NUDT13: variants seen among roughly 807,000 people sequenced by gnomAD.
NUDT13 encodes the protein NAD(P)H pyrophosphatase NUDT13, mitochondrial.
Under a neutral mutation model 41.7 loss-of-function variants are expected in NUDT13, and 40 were observed. The observed-to-expected ratio is 0.96, with a 90% CI of 0.75 to 1.25. NUDT13 has a LOEUF of 1.25. NUDT13 is among the 50% of genes most tolerant of loss of function. The pLI is 0.00. For synonymous variants in NUDT13, 145 were observed against 155.5 expected (o/e 0.93, Z 0.50); for missense variants, 390 against 416.1 (o/e 0.94, Z 0.55).
At chr10:73,125,563 A>G in intron 7 of NUDT13, 54 bp downstream of exon 7, 1 of 1,165,674 alleles carries the variant, frequency 8.6e-7, no homozygotes. Flanking sequence ...AATCTTACTA[A>G]TACAATCTTC....
chr10:73,127,100 G>C (rs1378461919), intron 8 of NUDT13, among the ~76,000 whole-genome samples: 2 of 151,920 alleles, frequency 1.3e-5, no homozygotes, highest in African/African-American at 4.8e-5. Flanking sequence ...AAAAATTAAG[G>C]CCGGGTGCGA....
chr10:73,118,135 A>G (rs1265213224), intron 2 of NUDT13, among the ~76,000 whole-genome samples: 1 of 152,182 alleles, frequency 6.6e-6, no homozygotes, highest in African/African-American at 2.4e-5. Context: ...TATATTTGGT[A>G]ACTTCTGAGT....
In NUDT13 at chr10:73,124,251, G is replaced by C; in HGVS notation, c.396G>C (p.Lys132Asn). The change falls in exon 5 of 9, where the codon AAG becomes AAC. Residue 132 changes from lysine (K) to asparagine (N), a missense_variant. By Grantham distance (94) the Lys-to-Asn change is moderately conservative. Transcript: ENST00000357321. ...LHKPEMETEL[K>N]GSFIELRKAL... ...AACCTGAAATGGAGACAGAGCTCAA[G>C]GGGTCTTTCATTGAGCTGAGAAAGG... The C allele has an allele frequency of 3.1e-6, 5 of 1,613,082 alleles. No homozygotes were observed. The highest frequency in any genetic ancestry group is 4.2e-6 in the Non-Finnish European group (5 of 1,179,652).
At chr10:73,130,598 C>T in intron 8 of NUDT13, 105 bp from the exon 9 acceptor site, 1 of 947,834 alleles carries the variant, frequency 1.1e-6, no homozygotes, top group Non-Finnish European at 1.7e-6. Context: ...CAGGTATTAT[C>T]TTCTAAGATT....
intron 8 of NUDT13, among the ~76,000 whole-genome samples, chr10:73,129,449 T>C (rs944129719): frequency 1.5e-4 from 23 of 151,830 alleles, no homozygotes; most frequent in Admixed American, 5.9e-4. Context: ...GTTGGGATTA[T>C]GGGCATGAGC....
At chr10:73,114,939 A>G (rs1456324622) in intron 2 of NUDT13, 3 of 152,190 alleles carry the variant, frequency 2.0e-5, no homozygotes, top group South Asian at 4.1e-4. Context: ...ATTTTGTCCA[A>G]TCAGATTTCT....
chr10:73,114,358 A>G lies in NUDT13; in HGVS notation c.-8A>G. ...AAACTCCTTTTTTTTTTTTTTAAGG[A>G]CCTGACAATGTCCCTGTATTGTGGA... On this transcript the variant is annotated splice_region_variant and 5_prime_UTR_variant, in exon 2 of 9. Transcript: ENST00000357321. 1 of 1,466,556 alleles carries G rather than the reference A, an allele frequency of 6.8e-7. No homozygotes were observed. The highest frequency in any genetic ancestry group is 9.3e-7 in the Non-Finnish European group (1 of 1,080,106). The allele number at this position is 1,466,556 out of a possible 1,614,324, so 90.8% of individuals were successfully genotyped here.
rs112660302 is a variant in NUDT13 at position 73,111,492 on chromosome 10, T to C, written c.-10+925T>C. Among the ~76,000 whole-genome samples the C allele has an allele frequency of 7.9e-5, 12 of 152,354 alleles. 1 individual carries two copies. Among genetic ancestry groups the C allele is most frequent in the African/African-American group, 2.9e-4 (12 of 41,582 alleles). ...TGTCACGCTGTAGTACTTTATAATC[T>C]TTCTTCTGGAAAGATGAACAGGATA... On this transcript the variant is annotated intron_variant, in intron 1 of 8. Transcript: ENST00000357321.
chr10:73,110,757 C>A (rs1020496325), intron 1 of NUDT13, among the ~76,000 whole-genome samples, 190 bp downstream of exon 1: 1 of 152,126 alleles, frequency 6.6e-6, no homozygotes. Flanking sequence ...ACATCAGTAA[C>A]CACAGCTCAT....
chr10:73,120,088 T>C lies in NUDT13; in HGVS notation c.154T>C (p.Phe52Leu). ...CCAGCAAACAGGAGCGTTTTACCTCTTTCATAGTCTGGCTCCTCTGCTTCA... is the reference window on the plus strand; with the variant it reads ...CCAGCAAACAGGAGCGTTTTACCTCCTTCATAGTCTGGCTCCTCTGCTTCA... ...KAQQTGAFYLFHSLAPLLQTS... is the reference protein window; with the variant it reads ...KAQQTGAFYLLHSLAPLLQTS... Residue 52 changes from phenylalanine (F) to leucine (L), a missense_variant, in exon 3 of 9, where the codon TTT becomes CTT. Coordinates refer to ENST00000357321, the MANE Select transcript of NUDT13 (RefSeq NM_015901.6). 6.2e-7 allele frequency: 1 copy of C among 1,614,214 alleles called. No homozygotes were observed. Among genetic ancestry groups the C allele is most frequent in the Non-Finnish European group, 8.5e-7 (1 of 1,180,032 alleles).
intron 1 of NUDT13, among the ~76,000 whole-genome samples, chr10:73,111,366 C>CTTGTT (rs1419208634): frequency 6.6e-6 from 1 of 150,850 alleles, no homozygotes; most frequent in African/African-American, 2.4e-5. Flanking sequence ...TTTGTTTTGT[C>CTTGTT]TTGTTTTGTT....
intron 4 of NUDT13, among the ~76,000 whole-genome samples, chr10:73,122,995 G>C (rs905317462): frequency 4.0e-5 from 6 of 151,248 alleles, no homozygotes; most frequent in African/African-American, 7.3e-5. Context: ...TCGCCTCCCA[G>C]GTTCAAGCGA....
At chr10:73,114,154 A>C (rs1435829758) in intron 1 of NUDT13, among the ~76,000 whole-genome samples, 1 of 152,174 alleles carries the variant, frequency 6.6e-6, no homozygotes, top group Non-Finnish European at 1.5e-5. Context: ...TCATGAAAGA[A>C]GTACTGAAAT....
intron 5 of NUDT13, 59 bp from the exon 6 acceptor site, chr10:73,125,059 G>C: frequency 6.5e-7 from 1 of 1,545,486 alleles, no homozygotes; most frequent in Non-Finnish European, 8.7e-7. Context: ...GCCCAGTGCT[G>C]TTAAAGATGA....
chr10:73,128,708 T>C (rs992411122), intron 8 of NUDT13, among the ~76,000 whole-genome samples: 2 of 152,220 alleles, frequency 1.3e-5, no homozygotes, highest in Admixed American at 1.3e-4. Flanking sequence ...CTCTGTTGAT[T>C]GATTCCCTGA....
At chr10:73,122,774 G>T (rs1205841529) in intron 4 of NUDT13, among the ~76,000 whole-genome samples, 4 of 150,670 alleles carry the variant, frequency 2.7e-5, no homozygotes, top group Non-Finnish European at 4.4e-5. Flanking sequence ...AGAGATGGGG[G>T]TCTCCTTATG....
intron 2 of NUDT13, chr10:73,119,349 C>A: frequency 4.2e-6 from 1 of 236,514 alleles, no homozygotes; most frequent in Non-Finnish European, 6.9e-6. Flanking sequence ...CGGCCAGGTG[C>A]TCCCTTTGCT....
chr10:73,125,192 G>C lies in NUDT13; in HGVS notation c.540G>C (p.Val180=). ...GTGGGCAGCCCACCAAGAAGAACGT[G>C]GCTGGCAGCAAGCGTGTGTGCCCTT... ...SRSGQPTKKN[V]AGSKRVCPSN... is the part of the protein sequence containing the mutation. Residue 180 remains valine (V), a synonymous_variant, in exon 6 of 9, where the codon GTG becomes GTC. Coordinates refer to ENST00000357321, the MANE Select transcript of NUDT13 (RefSeq NM_015901.6). 1 of 1,613,618 alleles carries C rather than the reference G, an allele frequency of 6.2e-7. No individual in the cohort carries two copies.
At chr10:73,129,491 A>G (rs1842865612) in intron 8 of NUDT13, among the ~76,000 whole-genome samples, 1 of 151,874 alleles carries the variant, frequency 6.6e-6, no homozygotes, top group Admixed American at 6.6e-5. Context: ...GTTTTATCCA[A>G]TCTCATCTTG....
Sources: gnomAD v4.1 joint callset for allele counts (sites outside exome capture counted in the v4.1 genomes callset) on GRCh38, gnomAD v4.1.1 for gene constraint, MANE v1.5 for transcripts, NCBI Gene and HGNC (gene_info 2026-07-23, HGNC 2026-07-21) for gene names.